SNX24: variants seen among roughly 807,000 people sequenced by gnomAD.
The protein encoded by SNX24 is sorting nexin 24.
In SNX24, 22 loss-of-function variants were observed where a neutral mutation model predicts 28.7. The ratio of observed to expected loss-of-function variants is 0.77; its 90% CI spans 0.55 to 1.10. The LOEUF is 1.10. Ranked by LOEUF, SNX24 falls within the 50% of genes least tolerant of loss-of-function variation. SNX24 has a pLI of 0.00. For synonymous variants in SNX24, 69 were observed against 71.5 expected, an observed-to-expected ratio of 0.96 and a Z score of 0.18; for missense variants, 221 against 201.1, an observed-to-expected ratio of 1.10 and a Z score of -0.60.
At chr5:122,872,930 A>G (rs1468887202) in intron 1 of SNX24, among the ~76,000 whole-genome samples, 1 of 151,886 alleles carries the variant, frequency 6.6e-6, no homozygotes, top group Non-Finnish European at 1.5e-5. Context: ...AGATGAGGCC[A>G]GTTTTAATGA....
At chr5:122,949,761 T>TA (rs1443673436) in intron 3 of SNX24, among the ~76,000 whole-genome samples, 5 of 152,194 alleles carry the variant, frequency 3.3e-5, no homozygotes, top group African/African-American at 9.6e-5. Context: ...ACCATTATTA[T>TA]TTTCCTACTT....
At chr5:122,992,860 A>G (rs1055470117) in intron 3 of SNX24, among the ~76,000 whole-genome samples, 3 of 152,156 alleles carry the variant, frequency 2.0e-5, no homozygotes, top group Non-Finnish European at 4.4e-5. Flanking sequence ...AAAACACAGA[A>G]TGTAAGCTTT....
At chr5:123,003,802 A>G (rs113023217) in intron 6 of SNX24, among the ~76,000 whole-genome samples, 1 of 152,228 alleles carries the variant, frequency 6.6e-6, no homozygotes, top group East Asian at 1.9e-4. Flanking sequence ...GCATGGTAAT[A>G]TGGATGAAGA....
At chr5:122,845,863 G>GA (rs1167242626) in intron 1 of SNX24, among the ~76,000 whole-genome samples, 170 bp downstream of exon 1, 1 of 151,762 alleles carries the variant, frequency 6.6e-6, no homozygotes, top group Non-Finnish European at 1.5e-5. Flanking sequence ...TCAAGGAAAC[G>GA]GGCGCCCCTC....
intron 4 of SNX24, 123 bp downstream of exon 4, chr5:123,000,129 G>T: frequency 1.4e-6 from 1 of 697,552 alleles, no homozygotes; most frequent in South Asian, 1.7e-5. Flanking sequence ...CTTTTGGCTT[G>T]CTGCAGCACT....
rs939096549 is a variant in SNX24, at chr5:122,894,078, G to A, written c.61-42656G>A. On this transcript the variant is annotated intron_variant, in intron 1 of 6. Coordinates refer to ENST00000261369, the MANE Select transcript of SNX24 (RefSeq NM_014035.4). ...TAACTTGAATTATTTGTTCTGTATT[G>A]TTATGTAATCAATTTAGTATGCAGT... Among the ~76,000 whole-genome samples, 3 of 151,074 alleles carry A rather than the reference G, an allele frequency of 2.0e-5. No homozygotes were observed. The South Asian group carries it at 6.3e-4, about 32-fold the overall frequency.
chr5:122,936,870 G>A (rs1345372972), intron 2 of SNX24, 53 bp downstream of exon 2: 10 of 1,048,104 alleles, frequency 9.5e-6, no homozygotes, highest in Non-Finnish European at 1.5e-5. Context: ...ATGGTATAAT[G>A]TTAACTAACA....
intron 3 of SNX24, chr5:122,965,315 A>G (rs1760673365): frequency 2.8e-6 from 1 of 358,550 alleles, no homozygotes; most frequent in African/African-American, 2.1e-5. Context: ...GAGTGCATTC[A>G]TTTTCCACTC....
At chr5:122,862,636 A>T (rs552473536) in intron 1 of SNX24, among the ~76,000 whole-genome samples, 6 of 151,006 alleles carry the variant, frequency 4.0e-5, no homozygotes, top group African/African-American at 1.5e-4. Context: ...GGAAGGAAAG[A>T]TAGTCAATTT....
At chr5:122,852,106 A>ATC (rs1491266902) in intron 1 of SNX24, among the ~76,000 whole-genome samples, 2 of 149,936 alleles carry the variant, frequency 1.3e-5, no homozygotes, top group African/African-American at 4.9e-5. Flanking sequence ...ACACACACAC[A>ATC]TATCTATCTA....
chr5:122,890,614 C>T (rs544012435), intron 1 of SNX24, among the ~76,000 whole-genome samples: 6 of 151,830 alleles, frequency 4.0e-5, no homozygotes, highest in Admixed American at 6.6e-5. Context: ...GAATTACAGG[C>T]GCCCGCCACC....
intron 1 of SNX24, among the ~76,000 whole-genome samples, chr5:122,905,672 C>T (rs1757617145): frequency 2.0e-5 from 3 of 152,314 alleles, no homozygotes; most frequent in East Asian, 1.9e-4. Context: ...CCTAGGAACA[C>T]CTGATTGGAG....
chr5:123,012,012 T>C (rs1401452533), downstream of SNX24, among the ~76,000 whole-genome samples: 3 of 152,184 alleles, frequency 2.0e-5, no homozygotes, highest in East Asian at 1.9e-4. Context: ...GCTGTTCTTA[T>C]GATAGTGAGT....
chr5:122,924,982 A>C (rs1281834490), intron 1 of SNX24, among the ~76,000 whole-genome samples: 40 of 129,224 alleles, frequency 3.1e-4, no homozygotes, highest in Middle Eastern at 4.6e-3. Context: ...CCCTTCCCTC[A>C]CCCTTCTCCC....
intron 2 of SNX24, among the ~76,000 whole-genome samples, chr5:122,942,688 G>A (rs1185244010): frequency 6.6e-6 from 1 of 152,206 alleles, no homozygotes; most frequent in African/African-American, 2.4e-5. Context: ...ACTTATCTGC[G>A]TGGATCAGAC....
chr5:122,863,749 C>T, intron 1 of SNX24, among the ~76,000 whole-genome samples: 1 of 152,090 alleles, frequency 6.6e-6, no homozygotes, highest in East Asian at 1.9e-4. Flanking sequence ...GAGGTGGGGT[C>T]TCACTGTGTT....
intron 1 of SNX24, among the ~76,000 whole-genome samples, chr5:122,846,509 G>A (rs1388220503): frequency 6.6e-6 from 1 of 152,198 alleles, no homozygotes; most frequent in Non-Finnish European, 1.5e-5. Flanking sequence ...AAGAAAGATT[G>A]CAGGGCAGTC....
At chr5:122,908,881 G>C (rs1757760706) in intron 1 of SNX24, among the ~76,000 whole-genome samples, 2 of 152,162 alleles carry the variant, frequency 1.3e-5, no homozygotes, top group Non-Finnish European at 2.9e-5. Flanking sequence ...TGAAGGGAAG[G>C]ACTTAAGACT....
At chr5:122,859,741 G>A (rs1255682668) in intron 1 of SNX24, among the ~76,000 whole-genome samples, 1 of 152,178 alleles carries the variant, frequency 6.6e-6, no homozygotes, top group Non-Finnish European at 1.5e-5. Flanking sequence ...TGTCCAAGGT[G>A]GTCAGGGTGC....
Sources: gnomAD v4.1 joint callset for allele counts (sites outside exome capture counted in the v4.1 genomes callset) on GRCh38, gnomAD v4.1.1 for gene constraint, MANE v1.5 for transcripts, NCBI Gene and HGNC (gene_info 2026-07-23, HGNC 2026-07-21) for gene names.